SDCCAG8: variants seen among roughly 807,000 people sequenced by gnomAD.
SDCCAG8 encodes serologically defined colon cancer antigen 8.
Under a neutral mutation model 101.8 loss-of-function variants are expected in SDCCAG8, and 74 were observed. The ratio of observed to expected loss-of-function variants is 0.73; its 90% CI spans 0.60 to 0.88. The LOEUF (loss-of-function observed/expected upper bound fraction) is 0.88, where lower values mean the gene tolerates loss of function less well. SDCCAG8 is among the 40% of genes least tolerant of loss of function. The pLI, the probability that SDCCAG8 is intolerant of heterozygous loss-of-function variation, is 0.00. For missense variants in SDCCAG8, 787 were observed against 822.6 expected (o/e 0.96, Z 0.53); for synonymous variants, 281 against 292.9 (o/e 0.96, Z 0.41).
chr1:243,402,875 T>TGAG (rs1304179666), intron 13 of SDCCAG8, among the ~76,000 whole-genome samples: 2 of 152,272 alleles, frequency 1.3e-5, no homozygotes, highest in East Asian at 1.9e-4. Context: ...ATCGCCACTT[T>TGAG]GAGGAGGAGG....
At chr1:243,456,821 G>T (rs2083794122) in intron 16 of SDCCAG8, among the ~76,000 whole-genome samples, 1 of 152,066 alleles carries the variant, frequency 6.6e-6, no homozygotes, top group African/African-American at 2.4e-5. Flanking sequence ...TGTAGAATTG[G>T]GATGGAAGAC....
chr1:243,341,306 A>G (rs978338925), intron 11 of SDCCAG8, 133 bp downstream of exon 11: 4 of 901,090 alleles, frequency 4.4e-6, no homozygotes, highest in Admixed American at 2.4e-5. Context: ...TTTCAAGAAT[A>G]ATAAAAGGCC....
At chr1:243,277,837 C>T (rs1260070287) in intron 4 of SDCCAG8, among the ~76,000 whole-genome samples, 1 of 152,150 alleles carries the variant, frequency 6.6e-6, no homozygotes, top group Non-Finnish European at 1.5e-5. Flanking sequence ...TATTTCTGGG[C>T]TTTCCTGTTC....
chr1:243,410,156 G>T (rs892328184), intron 13 of SDCCAG8, among the ~76,000 whole-genome samples: 2 of 152,128 alleles, frequency 1.3e-5, no homozygotes, highest in Non-Finnish European at 2.9e-5. Context: ...TCCCAACTTG[G>T]TATTCAGTGA....
intron 10 of SDCCAG8, among the ~76,000 whole-genome samples, chr1:243,337,042 C>A (rs1020947512): frequency 6.6e-6 from 1 of 152,048 alleles, no homozygotes; most frequent in Non-Finnish European, 1.5e-5. Flanking sequence ...GTTGCAATTG[C>A]TTTTGAGAAC....
chr1:243,475,846 C>G (rs957337186), intron 16 of SDCCAG8: 11 of 566,106 alleles, frequency 1.9e-5, no homozygotes, highest in Middle Eastern at 8.6e-4. Context: ...GAAGCCTAGA[C>G]TGGTTCTCTT....
chr1:243,480,907 A>G (rs1471031167), intron 16 of SDCCAG8, among the ~76,000 whole-genome samples: 1 of 93,218 alleles, frequency 1.1e-5, no homozygotes, highest in Non-Finnish European at 2.2e-5. Flanking sequence ...GTGGGATGGG[A>G]TGGGATGGGA....
chr1:243,478,776 G>T (rs577474090), intron 16 of SDCCAG8, among the ~76,000 whole-genome samples: 1 of 152,116 alleles, frequency 6.6e-6, no homozygotes, highest in African/African-American at 2.4e-5. Flanking sequence ...GGCCAACGTG[G>T]TTAAACCCCA....
intron 12 of SDCCAG8, among the ~76,000 whole-genome samples, chr1:243,353,504 A>AAAAAAAG (rs1190917926): frequency 2.1e-5 from 3 of 144,774 alleles, no homozygotes; most frequent in African/African-American, 7.6e-5. Context: ...AAAAAAAAAA[A>AAAAAAAG]AAAAAAAAAA....
At chr1:243,405,503 G>A (rs2079713358) in intron 13 of SDCCAG8, among the ~76,000 whole-genome samples, 1 of 152,152 alleles carries the variant, frequency 6.6e-6, no homozygotes, top group African/African-American at 2.4e-5. Flanking sequence ...AGCCCTTAAA[G>A]ATCTGGCAAT....
At position 243,270,210 on chromosome 1, in the gene SDCCAG8, A is replaced by G; in HGVS notation, c.173A>G (p.Asn58Ser). 2 of 1,614,190 alleles carry G rather than the reference A, an allele frequency of 1.2e-6. No individual in the cohort carries two copies. Among genetic ancestry groups the G allele is most frequent in the Non-Finnish European group, 8.5e-7 (1 of 1,180,038 alleles). ...PNLSFSTSVGNEDARTAWPEL... is the reference protein window; with the variant it reads ...PNLSFSTSVGSEDARTAWPEL... Reference sequence around the variant, plus strand: ...CTTTCTTTTAGCACCAGTGTGGGAAATGAGGACGCCAGGACAGCCTGGCCC... The same window carrying G: ...CTTTCTTTTAGCACCAGTGTGGGAAGTGAGGACGCCAGGACAGCCTGGCCC... The change falls in exon 2 of 18, where the codon AAT becomes AGT. Residue 58 changes from asparagine (N) to serine (S), a missense_variant. Coordinates refer to ENST00000366541, the MANE Select transcript of SDCCAG8 (RefSeq NM_006642.5).
chr1:243,263,031 C>G (rs77599560), intron 1 of SDCCAG8, among the ~76,000 whole-genome samples: 1 of 152,178 alleles, frequency 6.6e-6, no homozygotes, highest in Non-Finnish European at 1.5e-5. Flanking sequence ...ATGGCACTGT[C>G]GGTCTCAGGC....
intron 13 of SDCCAG8, among the ~76,000 whole-genome samples, chr1:243,398,046 A>G (rs1307848748): frequency 6.6e-6 from 1 of 152,212 alleles, no homozygotes; most frequent in Non-Finnish European, 1.5e-5. Context: ...TTAAGAAGCT[A>G]TCACCGGGAA....
At position 243,330,664 on chromosome 1, in the gene SDCCAG8, C is replaced by T. The variant is rs79435766; in HGVS notation, c.1193C>T (p.Thr398Met). The T allele has an allele frequency of 8.9e-5, 143 of 1,613,922 alleles. No individual in the cohort carries two copies. In the East Asian group the frequency reaches 2.4e-3, roughly 27 times the overall value. Residue 398 changes from threonine to methionine, a missense_variant, in exon 10 of 18, where the codon ACG (threonine) becomes ATG (methionine). Thr to Met is a moderately conservative substitution (Grantham distance 81). Coordinates refer to ENST00000366541, the MANE Select transcript of SDCCAG8 (RefSeq NM_006642.5). ...IEKDMMKKEI[T>M]KEREYMGSKM... ...AAAGACATGATGAAAAAGGAAATAA[C>T]GAAAGAAAGGGAGTACATGGGATCA...
At chr1:243,497,093 C>T (rs1668118665) in intron 17 of SDCCAG8, among the ~76,000 whole-genome samples, 4 of 152,258 alleles carry the variant, frequency 2.6e-5, no homozygotes, top group East Asian at 1.9e-4. Flanking sequence ...CTCTCCTGGA[C>T]GAGACCATGA....
intron 17 of SDCCAG8, among the ~76,000 whole-genome samples, chr1:243,496,402 T>G (rs1667901790): frequency 2.0e-5 from 3 of 152,202 alleles, no homozygotes; most frequent in Non-Finnish European, 4.4e-5. Flanking sequence ...CAGGGCCAGC[T>G]TTGAAATGCC....
chr1:243,418,125 TCTAATTTTTCCTTAA>T, intron 15 of SDCCAG8, 49 bp downstream of exon 15: 1 of 1,302,754 alleles, frequency 7.7e-7, no homozygotes, highest in Non-Finnish European at 1.1e-6. Flanking sequence ...GTGTGATTAC[TCTAATTTTTCCTTAA>T]AAAACATCAT....
intron 12 of SDCCAG8, among the ~76,000 whole-genome samples, chr1:243,364,141 A>G (rs1340525485): frequency 6.6e-6 from 1 of 152,178 alleles, no homozygotes; most frequent in Non-Finnish European, 1.5e-5. Flanking sequence ...GTCTCTATAA[A>G]TAAACCTAGT....
chr1:243,497,567 CA>C lies in SDCCAG8; in HGVS notation c.2113-2188del, dbSNP rs1401901382. On this transcript the variant is annotated intron_variant, in intron 17 of 17. Coordinates refer to ENST00000366541, the MANE Select transcript of SDCCAG8 (RefSeq NM_006642.5). ...ATCAGGAGGTCACCCGTTTCTGGAACAGCTCCGATAGTGATAAATTGCTAGG... is the reference window on the plus strand; with the variant it reads ...ATCAGGAGGTCACCCGTTTCTGGAACGCTCCGATAGTGATAAATTGCTAGG... Among the ~76,000 whole-genome samples the C allele has an allele frequency of 6.9e-3, 1,053 of 152,292 alleles. 19 individuals carry two copies. Among genetic ancestry groups the C allele is most frequent in the African/African-American group, 0.024 (991 of 41,556 alleles).
Sources: gnomAD v4.1 joint callset for allele counts (sites outside exome capture counted in the v4.1 genomes callset) on GRCh38, gnomAD v4.1.1 for gene constraint, MANE v1.5 for transcripts, NCBI Gene and HGNC (gene_info 2026-07-23, HGNC 2026-07-21) for gene names.